Variants in PDCD11 observed in about 807,000 individuals in gnomAD.
The protein encoded by PDCD11 is programmed cell death 11.
Under a neutral mutation model 198.9 loss-of-function variants are expected in PDCD11, and 97 were observed. The ratio of observed to expected loss-of-function variants is 0.49; its 90% CI spans 0.41 to 0.58. The LOEUF is 0.58. Ranked by LOEUF, PDCD11 falls within the 20% of genes least tolerant of loss-of-function variation. The pLI, the probability that PDCD11 is intolerant of heterozygous loss-of-function variation, is 0.00. For missense variants in PDCD11, 2,102 were observed against 2,312.7 expected (o/e 0.91, Z 1.87); for synonymous variants, 893 against 918.0 (o/e 0.97, Z 0.49).
rs141400211 is a variant in PDCD11 at position 103,425,234 on chromosome 10, C to T, written c.3014C>T (p.Pro1005Leu). The change falls in exon 20 of 36, where the codon CCG becomes CTG. Residue 1005 changes from proline to leucine, a missense_variant. By Grantham distance (98) the Pro-to-Leu change is moderately conservative. Transcript: ENST00000369797. The part of the protein sequence containing the change: ...EGPAAKRTMR[P>L]TQKDSETVDE... ...CCGGCTGCCAAGAGGACCATGAGGCCGACCCAGAAGGACTCTGAGACAGTT... is the reference window on the plus strand; with the variant it reads ...CCGGCTGCCAAGAGGACCATGAGGCTGACCCAGAAGGACTCTGAGACAGTT... 391 of 1,613,994 alleles carry T rather than the reference C, an allele frequency of 2.4e-4. No individual in the cohort carries two copies. The highest frequency in any genetic ancestry group is 8.2e-4 in the Admixed American group (49 of 59,990).
intron 7 of PDCD11, among the ~76,000 whole-genome samples, chr10:103,407,302 T>A (rs1010552576): frequency 1.3e-5 from 2 of 152,094 alleles, no homozygotes; most frequent in Admixed American, 1.3e-4. Flanking sequence ...TTAAAAAATA[T>A]ATATATTTTC....
chr10:103,416,020 G>A (rs760109474), intron 12 of PDCD11, among the ~76,000 whole-genome samples: 1 of 152,194 alleles, frequency 6.6e-6, no homozygotes, highest in African/African-American at 2.4e-5. Flanking sequence ...GGGATCAAGG[G>A]TTAAAAATAC....
intron 13 of PDCD11, 88 bp downstream of exon 13, chr10:103,416,830 T>C: frequency 6.8e-7 from 1 of 1,467,406 alleles, no homozygotes; most frequent in South Asian, 1.2e-5. Flanking sequence ...GGGCTGCCTT[T>C]AGGAGGCTGA....
Position 103,419,666 on chromosome 10 carries a change from C to T in PDCD11, c.2235C>T (p.Phe745=). ...FVKSIKDYGV[F]IQFPSGLSGL... ...AGAGCATCAAGGACTATGGCGTGTT[C>T]ATCCAGTTCCCCTCAGGTCTTAGCG... is the stretch of plus-strand genomic sequence containing the variant. The change falls in exon 16 of 36, where the codon TTC becomes TTT. Residue 745 remains phenylalanine, a synonymous_variant. Coordinates refer to ENST00000369797, the MANE Select transcript of PDCD11 (RefSeq NM_014976.2). The T allele has an allele frequency of 1.2e-6, 2 of 1,614,146 alleles. No individual in the cohort carries two copies.
chr10:103,420,366 G>A (rs559946020), intron 16 of PDCD11, among the ~76,000 whole-genome samples: 1 of 152,252 alleles, frequency 6.6e-6, no homozygotes, highest in South Asian at 2.1e-4. Flanking sequence ...CTGAGTACAG[G>A]TTTTGCAGAC....
chr10:103,443,133 T>G, intron 32 of PDCD11, 32 bp from the exon 33 acceptor site: 1 of 1,534,726 alleles, frequency 6.5e-7, no homozygotes, highest in Non-Finnish European at 8.8e-7. Flanking sequence ...TGGTTTCATG[T>G]GGCGCTCATG....
At position 103,440,359 on chromosome 10, in the gene PDCD11, T is replaced by C. The variant is rs769522346; in HGVS notation, c.4218T>C (p.Leu1406=). 1.2e-6 allele frequency: 2 copies of C among 1,614,218 alleles called. No individual in the cohort carries two copies. The highest frequency in any genetic ancestry group is 1.7e-6 in the Non-Finnish European group (2 of 1,180,040). ...GAGACACTGGGAAGCCAGACGTGCT[T>C]TCTGCTTCCTTGGAAGGGCAACTTA... ...LPGDTGKPDV[L]SASLEGQLTK... Residue 1406 remains leucine (L), a synonymous_variant, in exon 29 of 36, where the codon CTT becomes CTC. Transcript: ENST00000369797.
chr10:103,419,127 G>A (rs2031282362), intron 15 of PDCD11, among the ~76,000 whole-genome samples: 1 of 152,172 alleles, frequency 6.6e-6, no homozygotes, highest in African/African-American at 2.4e-5. Context: ...GCAGAGGAGG[G>A]AAAATGAGTT....
intron 21 of PDCD11, among the ~76,000 whole-genome samples, chr10:103,428,061 T>A (rs1371974880): frequency 6.6e-6 from 1 of 152,144 alleles, no homozygotes; most frequent in Non-Finnish European, 1.5e-5. Flanking sequence ...ATCCCAGCAC[T>A]TTTGGAGGCT....
rs562346166 is a variant in PDCD11 at position 103,402,599 on chromosome 10, C to T, written c.235-519C>T. ...AATTACAGGCACCTGCCACCATGCCCGGCTAATTTTTGTATTTTTAGTAGA... is the reference window on the plus strand; with the variant it reads ...AATTACAGGCACCTGCCACCATGCCTGGCTAATTTTTGTATTTTTAGTAGA... On this transcript the variant is annotated intron_variant, in intron 3 of 35. Transcript: ENST00000369797. Among the ~76,000 whole-genome samples the T allele has an allele frequency of 2.8e-3, 433 of 152,088 alleles. 1 individual carries two copies. Among genetic ancestry groups the T allele is most frequent in the Non-Finnish European group, 4.1e-3 (280 of 67,982 alleles).
At position 103,442,322 on chromosome 10, in the gene PDCD11, A is replaced by G. The variant is rs2032420224; in HGVS notation, c.4817A>G (p.Asp1606Gly). 3 of 1,614,210 alleles carry G rather than the reference A, an allele frequency of 1.9e-6. No homozygotes were observed. The highest frequency in any genetic ancestry group is 2.5e-6 in the Non-Finnish European group (3 of 1,180,044). The change falls in exon 32 of 36, where the codon GAT becomes GGT. Residue 1606 changes from aspartate (D) to glycine (G), a missense_variant. Transcript: ENST00000369797. ...MDPGRQPESA[D>G]DFDRLVLSSP... Reference sequence around the variant, plus strand: ...CCTGGGCGGCAGCCAGAGTCCGCGGATGATTTTGACCGACTGGTGCTGAGC... The same window carrying G: ...CCTGGGCGGCAGCCAGAGTCCGCGGGTGATTTTGACCGACTGGTGCTGAGC...
chr10:103,402,987 T>G, intron 3 of PDCD11, 131 bp from the exon 4 acceptor site: 1 of 835,472 alleles, frequency 1.2e-6, no homozygotes. Flanking sequence ...ACCCAAAGTA[T>G]TGGAATTATA....
rs183242267 is a variant in PDCD11 at position 103,442,588 on chromosome 10, G to A, written c.4955+128G>A. ...GGGTGGCTGCCACCAGGGGCCCATGGGTCCTCAGGCTTTCTGCCATAGCTG... is the reference window on the plus strand; with the variant it reads ...GGGTGGCTGCCACCAGGGGCCCATGAGTCCTCAGGCTTTCTGCCATAGCTG... On this transcript the variant is annotated intron_variant, in intron 32 of 35. Coordinates refer to ENST00000369797, the MANE Select transcript of PDCD11 (RefSeq NM_014976.2). 2.8e-3 allele frequency: 2,673 copies of A among 948,176 alleles called. 4 individuals carry two copies. The highest frequency in any genetic ancestry group is 3.8e-3 in the Admixed American group (167 of 43,462). 58.7% of individuals were successfully genotyped at this position (948,176 alleles called of 1,614,324 possible). A position where few individuals can be genotyped will look rare whatever the true frequency, so the allele number is the denominator to read the frequency against.
chr10:103,409,326 C>CTT (rs57480812), intron 7 of PDCD11, among the ~76,000 whole-genome samples: 55 of 147,682 alleles, frequency 3.7e-4, no homozygotes, highest in Admixed American at 1.7e-3. Flanking sequence ...TTTTTTTAAC[C>CTT]TTTTTTTTTT....
At chr10:103,406,326 G>T (rs2030445793) in intron 6 of PDCD11, among the ~76,000 whole-genome samples, 1 of 152,208 alleles carries the variant, frequency 6.6e-6, no homozygotes, top group Non-Finnish European at 1.5e-5. Context: ...AACAGTGTCA[G>T]TTTTTCTAAC....
At chr10:103,410,052 TG>T (rs2030700374) in intron 8 of PDCD11, among the ~76,000 whole-genome samples, 1 of 152,140 alleles carries the variant, frequency 6.6e-6, no homozygotes, top group Non-Finnish European at 1.5e-5. Context: ...CTGGCCAACA[TG>T]GTGAAACCCC....
chr10:103,403,591 G>C (rs538406405), intron 4 of PDCD11, among the ~76,000 whole-genome samples: 16 of 152,316 alleles, frequency 1.1e-4, no homozygotes, highest in African/African-American at 3.1e-4. Flanking sequence ...TGTGATGTGA[G>C]ATGGGCAGGA....
At chr10:103,417,658 T>C in intron 13 of PDCD11, 134 bp from the exon 14 acceptor site, 1 of 902,696 alleles carries the variant, frequency 1.1e-6, no homozygotes, top group Non-Finnish European at 1.7e-6. Context: ...CATTTCTTCT[T>C]TTCACTGCCT....
At chr10:103,400,878 A>G (rs1034961972) in intron 3 of PDCD11, among the ~76,000 whole-genome samples, 3 of 151,962 alleles carry the variant, frequency 2.0e-5, no homozygotes, top group African/African-American at 7.3e-5. Context: ...GCTTCTCCTG[A>G]GAAATTGGGA....
Sources: gnomAD v4.1 joint callset for allele counts (sites outside exome capture counted in the v4.1 genomes callset) on GRCh38, gnomAD v4.1.1 for gene constraint, MANE v1.5 for transcripts, NCBI Gene and HGNC (gene_info 2026-07-23, HGNC 2026-07-21) for gene names.